Variants in MLLT10 observed in about 807,000 individuals in gnomAD.
The protein encoded by MLLT10 is MLLT10 histone lysine methyltransferase DOT1L cofactor.
Under a neutral mutation model 129.1 loss-of-function variants are expected in MLLT10, and 30 were observed. The ratio of observed to expected loss-of-function variants is 0.23; its 90% CI spans 0.17 to 0.32. The LOEUF is 0.32. MLLT10 is among the 10% of genes least tolerant of loss of function. MLLT10 has a pLI of 1.00. For missense variants in MLLT10, 1,119 were observed against 1,268.3 expected, an observed-to-expected ratio of 0.88 and a Z score of 1.79; for synonymous variants, 490 against 446.4, an observed-to-expected ratio of 1.10 and a Z score of -1.23.
chr10:21,740,258 C>T (rs1289075867), intron 22 of MLLT10, 22 bp downstream of exon 22: 4 of 1,604,654 alleles, frequency 2.5e-6, no homozygotes, highest in Admixed American at 1.7e-5. Flanking sequence ...TTCCTTACTA[C>T]ATCTAATGAA....
intron 8 of MLLT10, among the ~76,000 whole-genome samples, chr10:21,636,999 T>C (rs1487750949): frequency 6.6e-6 from 1 of 152,068 alleles, no homozygotes; most frequent in Non-Finnish European, 1.5e-5. Context: ...AAGGCCTTAG[T>C]GGGTGTGGCG....
chr10:21,676,720 CAAAAAAAAAAAAAAAAAAAAAAA>C (rs56000691), intron 11 of MLLT10, among the ~76,000 whole-genome samples: 1 of 31,998 alleles, frequency 3.1e-5, no homozygotes, highest in Non-Finnish European at 6.0e-5. Flanking sequence ...GACTCCATCT[CAAAAAAAAAAAAAAAAAAAAAAA>C]AAAAAAAAAA....
chr10:21,673,318 C>CTTTTT (rs397719980), intron 10 of MLLT10, 32 bp from the exon 11 acceptor site: 3 of 307,644 alleles, frequency 9.8e-6, no homozygotes, highest in African/African-American at 3.7e-5. Context: ...CACCCCCCAA[C>CTTTTT]TTTTTTTTTT....
intron 3 of MLLT10, among the ~76,000 whole-genome samples, chr10:21,573,732 A>G (rs112094663): frequency 6.6e-6 from 1 of 151,710 alleles, no homozygotes; most frequent in South Asian, 2.1e-4. Flanking sequence ...ATGCCCGGCT[A>G]ATTTTTTTTG....
intron 3 of MLLT10, among the ~76,000 whole-genome samples, chr10:21,544,414 C>T (rs183518475): frequency 2.2e-4 from 34 of 152,258 alleles, no homozygotes; most frequent in Non-Finnish European, 2.9e-4. Context: ...GGTCAAGTTG[C>T]TCAGACACAG....
intron 3 of MLLT10, among the ~76,000 whole-genome samples, chr10:21,564,030 T>C (rs2039208655): frequency 6.6e-6 from 1 of 152,088 alleles, no homozygotes; most frequent in African/African-American, 2.4e-5. Context: ...GCCAGGATGG[T>C]CTCGATCTCC....
intron 13 of MLLT10, chr10:21,708,459 G>A (rs2055745470): frequency 1.8e-6 from 1 of 555,992 alleles, no homozygotes; most frequent in Non-Finnish European, 2.3e-6. Context: ...TACCTGAGGA[G>A]CAAGGAAGTT....
intron 21 of MLLT10, among the ~76,000 whole-genome samples, chr10:21,735,651 C>T (rs1441182478): frequency 1.3e-5 from 2 of 152,134 alleles, no homozygotes; most frequent in Non-Finnish European, 2.9e-5. Flanking sequence ...AGGGGGGTGA[C>T]TTTTGAGCAC....
chr10:21,739,901 TAGATG>T (rs1383887550), intron 21 of MLLT10, 124 bp from the exon 22 acceptor site: 1 of 717,912 alleles, frequency 1.4e-6, no homozygotes, highest in African/African-American at 1.8e-5. Context: ...CATATTTTTC[TAGATG>T]AGATACTTGT....
intron 4 of MLLT10, among the ~76,000 whole-genome samples, chr10:21,594,099 T>A (rs531466732): frequency 6.6e-6 from 1 of 152,142 alleles, no homozygotes; most frequent in East Asian, 1.9e-4. Context: ...AGAGGCCTGG[T>A]GTAGTCTCTT....
intron 8 of MLLT10, among the ~76,000 whole-genome samples, chr10:21,621,534 C>G (rs999524646): frequency 6.6e-6 from 1 of 152,278 alleles, no homozygotes; most frequent in Non-Finnish European, 1.5e-5. Flanking sequence ...CGTGAGCTAC[C>G]GCGCCCAGCC....
chr10:21,543,992 G>T (rs903273126), intron 3 of MLLT10, among the ~76,000 whole-genome samples: 1 of 152,154 alleles, frequency 6.6e-6, no homozygotes, highest in African/African-American at 2.4e-5. Context: ...TGTGCTACTT[G>T]TTCCAAAATG....
At chr10:21,723,128 T>C (rs2057248325) in intron 14 of MLLT10, among the ~76,000 whole-genome samples, 1 of 152,142 alleles carries the variant, frequency 6.6e-6, no homozygotes, top group Non-Finnish European at 1.5e-5. Context: ...TAAAAATAGA[T>C]ACTTTCCTTC....
intron 5 of MLLT10, among the ~76,000 whole-genome samples, chr10:21,599,056 G>A (rs944535251): frequency 6.6e-6 from 1 of 151,974 alleles, no homozygotes; most frequent in Non-Finnish European, 1.5e-5. Context: ...GCAGGCGCCT[G>A]TAATCCCACT....
chr10:21,584,326 G>A (rs1051158714), intron 3 of MLLT10, among the ~76,000 whole-genome samples: 17 of 151,674 alleles, frequency 1.1e-4, no homozygotes, highest in East Asian at 3.9e-4. Flanking sequence ...ACCACATCCC[G>A]CTAATTTTTT....
chr10:21,643,917 G>A (rs1465652524), intron 8 of MLLT10, among the ~76,000 whole-genome samples: 1 of 151,970 alleles, frequency 6.6e-6, no homozygotes, highest in African/African-American at 2.4e-5. Context: ...TGTCAGATGT[G>A]GTCTGCCTGC....
At chr10:21,563,224 GAA>G (rs2039086758) in intron 3 of MLLT10, among the ~76,000 whole-genome samples, 1 of 152,036 alleles carries the variant, frequency 6.6e-6, no homozygotes, top group Non-Finnish European at 1.5e-5. Context: ...TGGGATGATA[GAA>G]CTTGTAATTT....
At chr10:21,626,760 T>C (rs766645753) in intron 8 of MLLT10, among the ~76,000 whole-genome samples, 5 of 152,236 alleles carry the variant, frequency 3.3e-5, no homozygotes, top group Non-Finnish European at 5.9e-5. Context: ...TGTAAAAGTT[T>C]TCTAGCATTG....
chr10:21,654,992 G>A (rs923943042), intron 9 of MLLT10, among the ~76,000 whole-genome samples: 2 of 152,150 alleles, frequency 1.3e-5, no homozygotes, highest in Non-Finnish European at 2.9e-5. Flanking sequence ...GGGCAACTCA[G>A]TAAGACCTCA....
Sources: gnomAD v4.1 joint callset for allele counts (sites outside exome capture counted in the v4.1 genomes callset) on GRCh38, gnomAD v4.1.1 for gene constraint, MANE v1.5 for transcripts, NCBI Gene and HGNC (gene_info 2026-07-23, HGNC 2026-07-21) for gene names.